Variants in RASGRF2 observed in about 807,000 individuals in gnomAD.
The protein encoded by RASGRF2 is ras-specific guanine nucleotide-releasing factor 2.
A neutral mutation model predicts 151.0 loss-of-function variants in RASGRF2; 76 were observed. That is an observed-to-expected ratio of 0.50 (90% CI 0.42 to 0.61). The LOEUF is 0.61. Ranked by LOEUF, RASGRF2 falls within the 20% of genes least tolerant of loss-of-function variation. The pLI, the probability that RASGRF2 is intolerant of heterozygous loss-of-function variation, is 0.00. For synonymous variants in RASGRF2, 504 were observed against 566.5 expected, an observed-to-expected ratio of 0.89 and a Z score of 1.57; for missense variants, 1,148 against 1,564.6, an observed-to-expected ratio of 0.73 and a Z score of 4.49.
chr5:81,098,930 T>C (rs182524077), intron 12 of RASGRF2, among the ~76,000 whole-genome samples: 21 of 152,364 alleles, frequency 1.4e-4, no homozygotes, highest in Middle Eastern at 3.4e-3. Flanking sequence ...TTTTATTGTG[T>C]ATATGTGAAA....
chr5:81,030,805 C>A (rs1303076380), intron 1 of RASGRF2, among the ~76,000 whole-genome samples: 6 of 152,074 alleles, frequency 3.9e-5, no homozygotes, highest in Admixed American at 1.3e-4. Flanking sequence ...TAACAATATT[C>A]ACCTTAAATG....
At chr5:81,174,290 T>A (rs568714595) in intron 17 of RASGRF2, among the ~76,000 whole-genome samples, 1 of 152,306 alleles carries the variant, frequency 6.6e-6, no homozygotes, top group East Asian at 1.9e-4. Context: ...GAGAGGAGAA[T>A]GTGTCATTAA....
At chr5:81,140,044 G>A (rs1753847241) in intron 17 of RASGRF2, among the ~76,000 whole-genome samples, 2 of 151,926 alleles carry the variant, frequency 1.3e-5, no homozygotes, top group South Asian at 2.1e-4. Flanking sequence ...GCCCAGGCTG[G>A]TCTCCAACCC....
At chr5:81,097,357 T>G (rs74514772) in intron 12 of RASGRF2, among the ~76,000 whole-genome samples, 2,200 of 152,298 alleles carry the variant, frequency 0.014, 45 homozygotes, top group African/African-American at 0.05. Flanking sequence ...AACAAATATA[T>G]TTATGCAGTG....
At chr5:81,055,826 C>G (rs1002200090) in intron 2 of RASGRF2, among the ~76,000 whole-genome samples, 1 of 152,074 alleles carries the variant, frequency 6.6e-6, no homozygotes, top group African/African-American at 2.4e-5. Context: ...TTGGTCTATT[C>G]AGGGATTCCA....
intron 1 of RASGRF2, among the ~76,000 whole-genome samples, chr5:80,989,009 G>A (rs987391304): frequency 2.0e-5 from 3 of 150,986 alleles, no homozygotes; most frequent in African/African-American, 7.3e-5. Context: ...ACAGAGTCTC[G>A]CTCTGTCGCC....
intron 1 of RASGRF2, among the ~76,000 whole-genome samples, chr5:80,972,385 G>T (rs1296638412): frequency 6.6e-6 from 1 of 152,136 alleles, no homozygotes; most frequent in Middle Eastern, 3.2e-3. Context: ...ATTCTAATAG[G>T]TGTGTAGTAA....
intron 15 of RASGRF2, among the ~76,000 whole-genome samples, chr5:81,118,900 A>G (rs1006442021): frequency 6.6e-6 from 1 of 152,258 alleles, no homozygotes; most frequent in African/African-American, 2.4e-5. Flanking sequence ...TGTAACAAAG[A>G]TGGCTTTTAT....
intron 1 of RASGRF2, among the ~76,000 whole-genome samples, chr5:80,996,962 C>T (rs984757690): frequency 6.6e-6 from 1 of 152,010 alleles, no homozygotes; most frequent in African/African-American, 2.4e-5. Context: ...AAGCTTGAGG[C>T]ACATGATAAA....
intron 25 of RASGRF2, among the ~76,000 whole-genome samples, chr5:81,219,071 G>A (rs932897857): frequency 1.3e-5 from 2 of 150,310 alleles, no homozygotes; most frequent in Admixed American, 6.6e-5. Context: ...TAAACAGCCA[G>A]GTTCTTTTTT....
intron 1 of RASGRF2, among the ~76,000 whole-genome samples, chr5:81,009,623 A>G (rs759606302): frequency 1.3e-5 from 2 of 152,244 alleles, no homozygotes; most frequent in African/African-American, 4.8e-5. Flanking sequence ...AAAAAATTGT[A>G]TATACCAAGA....
intron 1 of RASGRF2, among the ~76,000 whole-genome samples, chr5:80,996,554 T>TCCTCCTCCTCCCCCTCCTCCTCCC (rs1748885998): frequency 3.5e-5 from 1 of 28,814 alleles, no homozygotes; most frequent in African/African-American, 1.5e-4. Flanking sequence ...CTCCTCCCCC[T>TCCTCCTCCTCCCCCTCCTCCTCCC]CCTCCTCCTC....
At chr5:81,194,853 G>A (rs771319330) in intron 18 of RASGRF2, among the ~76,000 whole-genome samples, 9 of 152,212 alleles carry the variant, frequency 5.9e-5, no homozygotes, top group Non-Finnish European at 7.3e-5. Context: ...CTCCACTGCA[G>A]AGCGTTGTTT....
At chr5:80,989,806 A>T (rs189864464) in intron 1 of RASGRF2, among the ~76,000 whole-genome samples, 1 of 152,228 alleles carries the variant, frequency 6.6e-6, no homozygotes, top group Admixed American at 6.5e-5. Context: ...GTTATACTGT[A>T]GTTAATCATG....
intron 17 of RASGRF2, among the ~76,000 whole-genome samples, chr5:81,164,551 TA>T (rs1237463471): frequency 3.3e-5 from 5 of 152,080 alleles, no homozygotes; most frequent in Admixed American, 1.3e-4. Flanking sequence ...TGGCAGAAAA[TA>T]TTTTTTTACA....
At chr5:80,991,520 C>T (rs577135698) in intron 1 of RASGRF2, among the ~76,000 whole-genome samples, 161 of 152,320 alleles carry the variant, frequency 1.1e-3, no homozygotes, top group Middle Eastern at 3.4e-3. Flanking sequence ...TCTCACTCAA[C>T]AGGACTTTGA....
chr5:81,024,646 G>A (rs1367166478), intron 1 of RASGRF2, among the ~76,000 whole-genome samples: 2 of 152,068 alleles, frequency 1.3e-5, no homozygotes, highest in Non-Finnish European at 2.9e-5. Context: ...GACTGTGGTA[G>A]GGGGAGGTGG....
chr5:81,133,311 A>G (rs1753671320), intron 17 of RASGRF2, among the ~76,000 whole-genome samples: 1 of 152,210 alleles, frequency 6.6e-6, no homozygotes, highest in Admixed American at 6.5e-5. Context: ...TCTATACAGG[A>G]TAGGACTGAA....
intron 1 of RASGRF2, 44 bp downstream of exon 1, chr5:80,961,070 G>T (rs769674790): frequency 1.4e-6 from 2 of 1,405,260 alleles, no homozygotes; most frequent in Non-Finnish European, 1.9e-6. Context: ...CTTGATCGCC[G>T]CACTCCCTTG....
Sources: gnomAD v4.1 joint callset for allele counts (sites outside exome capture counted in the v4.1 genomes callset) on GRCh38, gnomAD v4.1.1 for gene constraint, MANE v1.5 for transcripts, NCBI Gene and HGNC (gene_info 2026-07-23, HGNC 2026-07-21) for gene names.